GADL1: variants seen among roughly 807,000 people sequenced by gnomAD.
The protein encoded by GADL1 is acidic amino acid decarboxylase GADL1.
GADL1 carries 71 observed loss-of-function variants against 69.5 expected under a neutral mutation model. That is an observed-to-expected ratio of 1.02 (90% CI 0.84 to 1.25). The LOEUF is 1.25. Among genes scored for constraint, GADL1 ranks in the 50% most tolerant of loss-of-function variants. The pLI is 0.00. For missense variants in GADL1, 737 were observed against 631.8 expected (o/e 1.17, Z -1.79); for synonymous variants, 254 against 214.4 (o/e 1.18, Z -1.62).
rs1244596489 is a variant in GADL1 at position 30,767,432 on chromosome 3, T to C, written c.1392+10747A>G. 2.0e-5 allele frequency among the ~76,000 whole-genome samples: 3 copies of C among 152,070 alleles called. No homozygotes were observed. In the South Asian group the frequency reaches 6.2e-4, roughly 31 times the overall value. On this transcript the variant is annotated intron_variant, in intron 14 of 14. Transcript: ENST00000282538. ...GCACAAAAACAGAAACGCAGATCAA[T>C]AGAACAGATTGGAAAACTGAAATAG...
At chr3:30,810,680 G>GTC (rs1697334312) in intron 11 of GADL1, among the ~76,000 whole-genome samples, 1 of 152,076 alleles carries the variant, frequency 6.6e-6, no homozygotes, top group South Asian at 2.1e-4. Context: ...TGTGCAGTGG[G>GTC]CAATACTCCC....
In GADL1 at chr3:30,873,871, A is replaced by G. The variant is rs145407933; in HGVS notation, c.38-12106T>C. ...TCTCAGCTCTCTTGCTTCTCAATGC[A>G]CATGTTGTAACATTCACATGTGGCC... On this transcript the variant is annotated intron_variant, in intron 1 of 14. Transcript: ENST00000282538. Among the ~76,000 whole-genome samples, 851 of 152,030 alleles carry G rather than the reference A, an allele frequency of 5.6e-3. 3 individuals carry two copies. Among genetic ancestry groups the G allele is most frequent in the Non-Finnish European group, 9.3e-3 (629 of 67,902 alleles).
chr3:30,818,212 A>T, intron 11 of GADL1, among the ~76,000 whole-genome samples: 1 of 152,192 alleles, frequency 6.6e-6, no homozygotes, highest in East Asian at 1.9e-4. Context: ...GAGAGATTCT[A>T]ATTTAGCTTT....
chr3:30,873,530 C>A (rs1698525084), intron 1 of GADL1, among the ~76,000 whole-genome samples: 1 of 151,860 alleles, frequency 6.6e-6, no homozygotes, highest in African/African-American at 2.4e-5. Context: ...TGTGTCTTAT[C>A]AACCACACTA....
chr3:30,861,891 T>A, intron 1 of GADL1, 126 bp from the exon 2 acceptor site: 1 of 619,478 alleles, frequency 1.6e-6, no homozygotes, highest in Non-Finnish European at 2.8e-6. Context: ...AAGGCATCAT[T>A]TGAGGTGTTG....
At chr3:30,793,606 ATAT>A (rs1180796323) in intron 12 of GADL1, among the ~76,000 whole-genome samples, 6 of 152,190 alleles carry the variant, frequency 3.9e-5, no homozygotes, top group Non-Finnish European at 5.9e-5. Context: ...GGGTAAGAAC[ATAT>A]TAGTATTCTG....
intron 14 of GADL1, among the ~76,000 whole-genome samples, chr3:30,773,408 T>C (rs1696463079): frequency 1.4e-5 from 2 of 146,290 alleles, no homozygotes; most frequent in South Asian, 2.2e-4. Context: ...TTTAATGTTA[T>C]CTTATTTTCA....
chr3:30,757,256 CAGATCTCCTTTT>C (rs368228650), intron 14 of GADL1, among the ~76,000 whole-genome samples: 2,066 of 152,230 alleles, frequency 0.014, 44 homozygotes, highest in African/African-American at 0.046. Flanking sequence ...GTCAAATACT[CAGATCTCCTTTT>C]AAATATAGCC....
chr3:30,892,542 T>G (rs544531003), intron 1 of GADL1, among the ~76,000 whole-genome samples: 18 of 152,326 alleles, frequency 1.2e-4, no homozygotes, highest in African/African-American at 4.1e-4. Flanking sequence ...AACTTTACTA[T>G]TTATAAATCA....
intron 11 of GADL1, among the ~76,000 whole-genome samples, chr3:30,830,652 G>A (rs1448978793): frequency 2.6e-5 from 4 of 151,802 alleles, no homozygotes; most frequent in Non-Finnish European, 5.9e-5. Flanking sequence ...ATCCTCCCAA[G>A]GCATCTATAA....
intron 1 of GADL1, among the ~76,000 whole-genome samples, chr3:30,869,723 G>A (rs943678152): frequency 1.3e-5 from 2 of 151,620 alleles, no homozygotes; most frequent in African/African-American, 4.9e-5. Flanking sequence ...AATCCACAGT[G>A]AGCAGATACT....
intron 2 of GADL1, among the ~76,000 whole-genome samples, chr3:30,861,278 G>A (rs1406494678): frequency 6.6e-6 from 1 of 151,386 alleles, no homozygotes; most frequent in Admixed American, 6.6e-5. Context: ...GAGATTAGCA[G>A]GTTACTTATC....
intron 1 of GADL1, among the ~76,000 whole-genome samples, chr3:30,889,084 TAAAA>T (rs60227313): frequency 0.012 from 390 of 32,854 alleles, 5 homozygotes; most frequent in African/African-American, 0.03. Context: ...CGGTAATCTA[TAAAA>T]AAAAAAAAAA....
intron 14 of GADL1, among the ~76,000 whole-genome samples, chr3:30,750,574 C>T (rs1250081705): frequency 1.3e-5 from 2 of 152,082 alleles, no homozygotes; most frequent in African/African-American, 4.8e-5. Flanking sequence ...TTGATGTTTC[C>T]AGTGTAATGA....
At chr3:30,757,266 T>C (rs1047577952) in intron 14 of GADL1, among the ~76,000 whole-genome samples, 1 of 148,094 alleles carries the variant, frequency 6.8e-6, no homozygotes, top group African/African-American at 2.7e-5. Context: ...CAGATCTCCT[T>C]TTAAATATAG....
intron 1 of GADL1, among the ~76,000 whole-genome samples, chr3:30,876,575 CAG>C (rs1698578945): frequency 6.6e-6 from 1 of 151,956 alleles, no homozygotes; most frequent in Non-Finnish European, 1.5e-5. Context: ...GAAAAAATAA[CAG>C]AAACGGAGTA....
rs558183783 is a variant in GADL1, at chr3:30,757,230, G to C, written c.1392+20949C>G. Among the ~76,000 whole-genome samples the C allele has an allele frequency of 1.9e-3, 293 of 152,212 alleles. 3 individuals are homozygous for C. Among genetic ancestry groups the C allele is most frequent in the Non-Finnish European group, 9.0e-4 (61 of 68,020 alleles). On this transcript the variant is annotated intron_variant, in intron 14 of 14. Transcript: ENST00000282538. Reference sequence around the variant, plus strand: ...GGACCTTCATCAAATATCTAAGTATGCTGTCTCAATCAAGAGTCAAATACT... The same window carrying C: ...GGACCTTCATCAAATATCTAAGTATCCTGTCTCAATCAAGAGTCAAATACT...
chr3:30,766,135 C>T (rs1037315322), intron 14 of GADL1, among the ~76,000 whole-genome samples: 12 of 152,054 alleles, frequency 7.9e-5, no homozygotes, highest in African/African-American at 2.7e-4. Context: ...TGCATCATTC[C>T]CCATTCAGAG....
rs576558709 is a variant in GADL1 at position 30,806,166 on chromosome 3, G to A, written c.1051-5078C>T. Among the ~76,000 whole-genome samples, 52 of 152,138 alleles carry A rather than the reference G, an allele frequency of 3.4e-4. No homozygotes were observed. In the Middle Eastern group the frequency reaches 0.017, roughly 50 times the overall value. On this transcript the variant is annotated intron_variant, in intron 11 of 14. Coordinates refer to ENST00000282538, the MANE Select transcript of GADL1 (RefSeq NM_207359.3). ...AGAAAAGCTACCAAAAGCTCTTCCC[G>A]TATGGCCCTTCCTATATTCTGTCCT... is the stretch of plus-strand genomic sequence containing the variant.
Sources: gnomAD v4.1 joint callset for allele counts (sites outside exome capture counted in the v4.1 genomes callset) on GRCh38, gnomAD v4.1.1 for gene constraint, MANE v1.5 for transcripts, NCBI Gene and HGNC (gene_info 2026-07-23, HGNC 2026-07-21) for gene names.